Variants in CYP19A1 observed in about 807,000 individuals in gnomAD.
The protein encoded by CYP19A1 is cytochrome P450 family 19 subfamily A member 1.
CYP19A1 carries 32 observed loss-of-function variants against 44.4 expected under a neutral mutation model. The ratio of observed to expected loss-of-function variants is 0.72; its 90% CI spans 0.54 to 0.97. The LOEUF is 0.97. Among genes scored for constraint, CYP19A1 ranks in the 50% least tolerant of loss-of-function variants. The probability of loss-of-function intolerance (pLI) is 0.00; values close to 1 mark genes in which losing one functional copy is unlikely to be tolerated. For missense variants in CYP19A1, 598 were observed against 637.8 expected, an observed-to-expected ratio of 0.94 and a Z score of 0.67; for synonymous variants, 212 against 215.6, an observed-to-expected ratio of 0.98 and a Z score of 0.14.
At chr15:51,329,179 C>T (rs2036660439) in intron 1 of CYP19A1, among the ~76,000 whole-genome samples, 1 of 152,216 alleles carries the variant, frequency 6.6e-6, no homozygotes, top group South Asian at 2.1e-4. Context: ...TGTTCTTGCC[C>T]TGGCCTGCCT....
At position 51,227,786 on chromosome 15, in the gene CYP19A1, A is replaced by G. The variant is rs372989805; in HGVS notation, c.444T>C (p.Phe148=). The G allele has an allele frequency of 6.7e-7, 1 of 1,496,618 alleles. No homozygotes were observed. The highest frequency in any genetic ancestry group is 9.3e-7 in the Non-Finnish European group (1 of 1,072,916). The allele number at this position is 1,496,618 out of a possible 1,614,324, so 92.7% of individuals were successfully genotyped here. A position where few individuals can be genotyped will look rare whatever the true frequency, so the allele number is the denominator to read the frequency against. Residue 148 remains phenylalanine (F), a synonymous_variant, in exon 4 of 10, where the codon TTT becomes TTC. Transcript: ENST00000396402. ...PELWKTTRPF[F]MKALSGPGLV... ...AACTAAGTACCTGCTTACCTTTCAT[A>G]AAGAAGGGTCGAGTTGTTTTCCAGA...
chr15:51,313,560 G>A (rs2036359012), intron 1 of CYP19A1, among the ~76,000 whole-genome samples: 2 of 152,220 alleles, frequency 1.3e-5, no homozygotes, highest in South Asian at 4.1e-4. Context: ...ACTTTGGGAG[G>A]CTGAGGTGGG....
intron 1 of CYP19A1, among the ~76,000 whole-genome samples, chr15:51,275,009 A>T (rs571329226): frequency 3.9e-5 from 6 of 152,082 alleles, no homozygotes; most frequent in Non-Finnish European, 8.8e-5. Context: ...ACTTGGTGAC[A>T]TGTCACTTGG....
At chr15:51,287,933 C>T (rs944753259) in intron 1 of CYP19A1, among the ~76,000 whole-genome samples, 1 of 152,170 alleles carries the variant, frequency 6.6e-6, no homozygotes, top group East Asian at 1.9e-4. Context: ...TATGCATAAG[C>T]TAAAGAGTAT....
At chr15:51,239,081 A>G (rs2033590452) in intron 2 of CYP19A1, among the ~76,000 whole-genome samples, 1 of 152,220 alleles carries the variant, frequency 6.6e-6, no homozygotes, top group African/African-American at 2.4e-5. Flanking sequence ...AACTTTGGCA[A>G]AATATTAGGG....
At chr15:51,224,670 G>A (rs2032422061) in intron 4 of CYP19A1, among the ~76,000 whole-genome samples, 1 of 152,166 alleles carries the variant, frequency 6.6e-6, no homozygotes, top group South Asian at 2.1e-4. Context: ...CTTCCAATTA[G>A]TCATTCTCTC....
chr15:51,259,102 C>T (rs953109601), intron 1 of CYP19A1, among the ~76,000 whole-genome samples: 2 of 152,078 alleles, frequency 1.3e-5, no homozygotes, highest in Non-Finnish European at 2.9e-5. Context: ...TGCCCTCCCG[C>T]CATTCAGGAT....
chr15:51,247,410 A>T (rs759199359), intron 1 of CYP19A1, among the ~76,000 whole-genome samples: 9 of 151,952 alleles, frequency 5.9e-5, no homozygotes, highest in Non-Finnish European at 1.0e-4. Context: ...TCTAAAACCC[A>T]ATCTGTCAAC....
At chr15:51,256,125 C>T in intron 1 of CYP19A1, among the ~76,000 whole-genome samples, 1 of 152,236 alleles carries the variant, frequency 6.6e-6, no homozygotes, top group Non-Finnish European at 1.5e-5. Flanking sequence ...AGTGCACATT[C>T]CTGGAAGAAG....
intron 1 of CYP19A1, among the ~76,000 whole-genome samples, chr15:51,274,853 AAAG>A (rs1412278941): frequency 1.3e-5 from 2 of 152,166 alleles, no homozygotes; most frequent in Admixed American, 6.5e-5. Flanking sequence ...TTTGAAGAAG[AAAG>A]AAGGGGCAAC....
chr15:51,322,043 T>C (rs1204511070), intron 1 of CYP19A1: 1 of 152,132 alleles, frequency 6.6e-6, no homozygotes, highest in African/African-American at 2.4e-5. Flanking sequence ...AATGAGAAGA[T>C]GGAGCTACAG....
At chr15:51,293,151 T>C (rs894474835) in intron 1 of CYP19A1, among the ~76,000 whole-genome samples, 10 of 151,932 alleles carry the variant, frequency 6.6e-5, no homozygotes, top group Non-Finnish European at 1.2e-4. Flanking sequence ...TAAAACACAT[T>C]GGGTACGGTG....
Position 51,222,513 on chromosome 15 carries a change from G to C in CYP19A1, c.464C>G (p.Pro155Arg). The C allele has an allele frequency of 6.2e-7, 1 of 1,613,534 alleles. No homozygotes were observed. Among genetic ancestry groups the C allele is most frequent in the Non-Finnish European group, 8.5e-7 (1 of 1,179,668 alleles). Reference sequence around the variant, plus strand: ...GACTGTGACCATACGAACAAGGCCGGGGCCTGACAGAGCTGCAGAGTACAC... The same window carrying C: ...GACTGTGACCATACGAACAAGGCCGCGGCCTGACAGAGCTGCAGAGTACAC... ...RPFFMKALSG[P>R]GLVRMVTVCA... is the part of the protein sequence containing the mutation. Residue 155 changes from proline (P) to arginine (R), a missense_variant, in exon 5 of 10, where the codon CCC becomes CGC. Coordinates refer to ENST00000396402, the MANE Select transcript of CYP19A1 (RefSeq NM_000103.4).
At chr15:51,332,635 C>T (rs952438955) in intron 1 of CYP19A1, among the ~76,000 whole-genome samples, 10 of 152,202 alleles carry the variant, frequency 6.6e-5, no homozygotes, top group Admixed American at 5.2e-4. Flanking sequence ...TAGATCTTAA[C>T]ACCCTTTTAT....
intron 1 of CYP19A1, among the ~76,000 whole-genome samples, chr15:51,267,528 G>A (rs936006675): frequency 3.4e-4 from 52 of 152,306 alleles, no homozygotes; most frequent in African/African-American, 1.2e-3. Flanking sequence ...GCCGAGGTCT[G>A]CGCCGCCCCC....
At chr15:51,334,373 G>A (rs191863542) in intron 1 of CYP19A1, among the ~76,000 whole-genome samples, 75 of 152,266 alleles carry the variant, frequency 4.9e-4, no homozygotes, top group African/African-American at 1.2e-3. Flanking sequence ...GCCCTGCCCC[G>A]TTCACAGGCT....
chr15:51,282,258 G>A (rs910808919), intron 1 of CYP19A1, among the ~76,000 whole-genome samples: 2 of 152,154 alleles, frequency 1.3e-5, no homozygotes, highest in Non-Finnish European at 2.9e-5. Flanking sequence ...AAAAAGCTGA[G>A]TGTTGGGAAA....
At chr15:51,312,148 C>A (rs2036324360) in intron 1 of CYP19A1, 1 of 152,298 alleles carries the variant, frequency 6.6e-6, no homozygotes, top group Non-Finnish European at 1.5e-5. Context: ...TCCGGCAGAG[C>A]CCTGCAAGCA....
At chr15:51,242,634 T>C in intron 2 of CYP19A1, 134 bp downstream of exon 2, 1 of 679,022 alleles carries the variant, frequency 1.5e-6, no homozygotes. Context: ...AGTCCTCATT[T>C]GCTAACACAG....
Sources: gnomAD v4.1 joint callset for allele counts (sites outside exome capture counted in the v4.1 genomes callset) on GRCh38, gnomAD v4.1.1 for gene constraint, MANE v1.5 for transcripts, NCBI Gene and HGNC (gene_info 2026-07-23, HGNC 2026-07-21) for gene names.